Variants in SMTNL2 observed in about 807,000 individuals in gnomAD.
The protein encoded by SMTNL2 is smoothelin-like protein 2.
SMTNL2 carries 43 observed loss-of-function variants against 44.1 expected under a neutral mutation model. The ratio of observed to expected loss-of-function variants is 0.98; its 90% CI spans 0.76 to 1.26. The LOEUF (loss-of-function observed/expected upper bound fraction) is 1.26, where lower values mean the gene tolerates loss of function less well. SMTNL2 is among the 50% of genes most tolerant of loss of function. SMTNL2 has a pLI of 0.00. For synonymous variants in SMTNL2, 317 were observed against 287.6 expected (o/e 1.10, Z -1.03); for missense variants, 646 against 670.2 (o/e 0.96, Z 0.40).
chr17:4,604,355 G>C (rs1910178089), intron 7 of SMTNL2, among the ~76,000 whole-genome samples: 1 of 152,172 alleles, frequency 6.6e-6, no homozygotes, highest in South Asian at 2.1e-4. Flanking sequence ...CAGGAGGTGG[G>C]GAGGGGATCC....
chr17:4,595,440 T>C lies in SMTNL2; in HGVS notation c.989+113T>C. On this transcript the variant is annotated intron_variant, in intron 5 of 7. Transcript: ENST00000389313. This position sits in a 1 kb window ranked among gnomAD's most constrained non-coding sequence, Gnocchi z 5.1. ...AGCCCTGTCCTGTTCCCCAGGGCGC[T>C]GTTGCCCAGGACAAGATCTCTTGGG... is the stretch of plus-strand genomic sequence containing the variant. 1 of 1,407,324 alleles carries C rather than the reference T, an allele frequency of 7.1e-7. No homozygotes were observed. The highest frequency in any genetic ancestry group is 9.6e-7 in the Non-Finnish European group (1 of 1,046,410). 87.2% of individuals were successfully genotyped at this position (1,407,324 alleles called of 1,614,324 possible).
At chr17:4,589,832 G>A (rs1466140694) in intron 1 of SMTNL2, among the ~76,000 whole-genome samples, 2 of 121,968 alleles carry the variant, frequency 1.6e-5, no homozygotes, top group African/African-American at 3.1e-5. Context: ...CCCGCCCCAC[G>A]CTTCTGATCA....
chr17:4,596,911 G>T lies in SMTNL2; in HGVS notation c.1041G>T (p.Val347=). ...ARLKRSQSFG[V]ASASSIKQIL... is the part of the protein sequence containing the mutation. ...TGAAGCGGTCGCAGAGCTTCGGCGT[G>T]GCCAGCGCCAGCAGCATCAAGCAGA... is the stretch of plus-strand genomic sequence containing the variant. The change falls in exon 6 of 8, where the codon GTG becomes GTT. Residue 347 remains valine (V), a synonymous_variant. Coordinates refer to ENST00000389313, the MANE Select transcript of SMTNL2 (RefSeq NM_001114974.2). The T allele has an allele frequency of 6.6e-7, 1 of 1,523,484 alleles. No homozygotes were observed. 94.4% of individuals were successfully genotyped at this position (1,523,484 alleles called of 1,614,324 possible). A position where few individuals can be genotyped will look rare whatever the true frequency, so the allele number is the denominator to read the frequency against.
intron 7 of SMTNL2, among the ~76,000 whole-genome samples, chr17:4,597,861 G>A (rs1909880022): frequency 6.6e-6 from 1 of 152,130 alleles, no homozygotes; most frequent in Admixed American, 6.5e-5. Context: ...GTGAAGATTT[G>A]GGGGTGGCTC....
At chr17:4,584,391 C>T (rs1261882743), upstream of SMTNL2, 17 of 414,730 alleles carry the variant, frequency 4.1e-5, no homozygotes, top group East Asian at 7.1e-4. Context: ...AGAGGCTGGG[C>T]GAGCTCTCCC....
rs370532356 is a variant in SMTNL2, at chr17:4,607,319, G to C, written c.1260-42G>C. ...CCCTGTCGCGGCTGTGGGGCTGGCT[G>C]ATGGCTGGGACCACCGTTCTGACGG... On this transcript the variant is annotated intron_variant, in intron 7 of 7. Transcript: ENST00000389313. The surrounding 1 kb of genome is among the most constrained non-coding windows in gnomAD (Gnocchi z 4.7). 2 of 1,610,166 alleles carry C rather than the reference G, an allele frequency of 1.2e-6. No homozygotes were observed. Among genetic ancestry groups the C allele is most frequent in the Non-Finnish European group, 1.7e-6 (2 of 1,177,200 alleles).
At position 4,596,923 on chromosome 17, in the gene SMTNL2, C is replaced by T; in HGVS notation, c.1053C>T (p.Ser351=). The stretch of plus-strand genomic sequence containing the variant: ...AGAGCTTCGGCGTGGCCAGCGCCAG[C>T]AGCATCAAGCAGATCCTGCTCGAGT... ...RSQSFGVASA[S]SIKQILLEWC... Residue 351 remains serine, a synonymous_variant, in exon 6 of 8, where the codon AGC becomes AGT. Transcript: ENST00000389313. The T allele has an allele frequency of 6.6e-7, 1 of 1,525,862 alleles. No individual in the cohort carries two copies. The highest frequency in any genetic ancestry group is 8.8e-7 in the Non-Finnish European group (1 of 1,130,654). 94.5% of individuals were successfully genotyped at this position (1,525,862 alleles called of 1,614,324 possible).
At chr17:4,591,505 G>A (rs1909569323) in intron 1 of SMTNL2, among the ~76,000 whole-genome samples, 1 of 152,252 alleles carries the variant, frequency 6.6e-6, no homozygotes, top group African/African-American at 2.4e-5. Flanking sequence ...GAGTCCTCGG[G>A]CCCCATCTCT....
At chr17:4,591,381 G>A (rs561855928) in intron 1 of SMTNL2, among the ~76,000 whole-genome samples, 4 of 152,056 alleles carry the variant, frequency 2.6e-5, no homozygotes, top group Admixed American at 1.3e-4. Context: ...ACTCTCAGCC[G>A]TTCACACGCC....
chr17:4,592,331 G>A lies in SMTNL2; in HGVS notation c.400-30G>A. ...GGGTGGGCAGCTGGCCCTAGCTGAT[G>A]GGGTCTCGGTGACATTTGTGTCTCT... On this transcript the variant is annotated intron_variant, in intron 1 of 7. Coordinates refer to ENST00000389313, the MANE Select transcript of SMTNL2 (RefSeq NM_001114974.2). The surrounding 1 kb of genome is among the most constrained non-coding windows in gnomAD (Gnocchi z 4.5). The A allele has an allele frequency of 3.7e-6, 6 of 1,609,862 alleles. No individual in the cohort carries two copies. The highest frequency in any genetic ancestry group is 5.1e-6 in the Non-Finnish European group (6 of 1,177,876).
chr17:4,587,056 C>T (rs527284129), intron 1 of SMTNL2, among the ~76,000 whole-genome samples: 21 of 152,238 alleles, frequency 1.4e-4, no homozygotes, highest in Non-Finnish European at 2.6e-4. Context: ...AAAACCAGAC[C>T]GGGGAACTGC....
chr17:4,597,889 T>C (rs141729771), intron 7 of SMTNL2, among the ~76,000 whole-genome samples: 1 of 152,306 alleles, frequency 6.6e-6, no homozygotes, highest in East Asian at 1.9e-4. Context: ...AGGAGGCACC[T>C]GGAAAGCCAG....
In SMTNL2 at chr17:4,600,441, TC is replaced by T. The variant is rs1475390619; in HGVS notation, c.1259+3122del. ...TCTGGAAGGGAAAGGAGGACACAGGTCCCCAAACCACGGGTTCACCTTGCGT... is the reference window on the plus strand; with the variant it reads ...TCTGGAAGGGAAAGGAGGACACAGGTCCCAAACCACGGGTTCACCTTGCGT... On this transcript the variant is annotated intron_variant, in intron 7 of 7. Coordinates refer to ENST00000389313, the MANE Select transcript of SMTNL2 (RefSeq NM_001114974.2). This position sits in a 1 kb window ranked among gnomAD's most constrained non-coding sequence, Gnocchi z 4.7. Among the ~76,000 whole-genome samples, 1 of 151,984 alleles carries T rather than the reference TC, an allele frequency of 6.6e-6. No homozygotes were observed. Among genetic ancestry groups the T allele is most frequent in the East Asian group, 1.9e-4 (1 of 5,188 alleles).
chr17:4,584,895 C>T lies in SMTNL2; in HGVS notation c.290C>T (p.Pro97Leu). The T allele has an allele frequency of 7.7e-7, 1 of 1,295,964 alleles. No homozygotes were observed. The highest frequency in any genetic ancestry group is 9.7e-7 in the Non-Finnish European group (1 of 1,026,248). 80.3% of individuals were successfully genotyped at this position (1,295,964 alleles called of 1,614,324 possible). A position where few individuals can be genotyped will look rare whatever the true frequency, so the allele number is the denominator to read the frequency against. ...GGGATGTCCCCGGTGCCCGGCACTC[C>T]CGGCACGCCCAGCCCCCCGCCCGCG... ...ASGMSPVPGT[P>L]GTPSPPPAPG... is the part of the protein sequence containing the mutation. Residue 97 changes from proline (P) to leucine (L), a missense_variant, in exon 1 of 8, where the codon CCC becomes CTC. By Grantham distance (98) the Pro-to-Leu change is moderately conservative. Coordinates refer to ENST00000389313, the MANE Select transcript of SMTNL2 (RefSeq NM_001114974.2).
In SMTNL2 at chr17:4,597,335, G is replaced by A. The variant is rs891200184; in HGVS notation, c.1259+12G>A. 1.9e-6 allele frequency: 3 copies of A among 1,612,362 alleles called. No individual in the cohort carries two copies. Among genetic ancestry groups the A allele is most frequent in the Non-Finnish European group, 2.5e-6 (3 of 1,178,882 alleles). ...TTCACCATGGCCGAGTGAGTATGGT[G>A]GCTCCTGCTGGCTACCAGCCCCAGC... On this transcript the variant is annotated intron_variant, in intron 7 of 7. Transcript: ENST00000389313.
At position 4,600,884 on chromosome 17, in the gene SMTNL2, G is replaced by A. The variant is rs766074745; in HGVS notation, c.1259+3561G>A. 4.1e-4 allele frequency among the ~76,000 whole-genome samples: 62 copies of A among 152,202 alleles called. 1 individual carries two copies. The highest frequency in any genetic ancestry group is 6.6e-4 in the Non-Finnish European group (45 of 68,046). On this transcript the variant is annotated intron_variant, in intron 7 of 7. Coordinates refer to ENST00000389313, the MANE Select transcript of SMTNL2 (RefSeq NM_001114974.2). This position sits in a 1 kb window ranked among gnomAD's most constrained non-coding sequence, Gnocchi z 4.7. ...CTTCCAGGCTATTTGTAGTGCCCAT[G>A]TGTCTCTGTCTAAAACCAGATAGGA...
intron 5 of SMTNL2, among the ~76,000 whole-genome samples, chr17:4,596,192 C>T (rs969232876): frequency 2.1e-5 from 3 of 140,246 alleles, no homozygotes; most frequent in South Asian, 2.1e-4. Flanking sequence ...GTGGCCCAAG[C>T]GTGGTATTGA....
In SMTNL2 at chr17:4,584,699, C is replaced by A; in HGVS notation, c.94C>A (p.His32Asn). Residue 32 changes from histidine (H) to asparagine (N), a missense_variant, in exon 1 of 8, where the codon CAC becomes AAC. Transcript: ENST00000389313. ...GCTGGAGGGTGCGGTGCGCGCGCTG[C>A]ACGAGGACATGCGGGGGCTGCAGCG... ...AALEGAVRALHEDMRGLQRGV... is the reference protein window; with the variant it reads ...AALEGAVRALNEDMRGLQRGV... The A allele has an allele frequency of 7.7e-7, 1 of 1,295,348 alleles. No individual in the cohort carries two copies. Among genetic ancestry groups the A allele is most frequent in the South Asian group, 2.3e-5 (1 of 43,572 alleles). 80.2% of individuals were successfully genotyped at this position (1,295,348 alleles called of 1,614,324 possible).
At chr17:4,599,119 T>C (rs1382094246) in intron 7 of SMTNL2, among the ~76,000 whole-genome samples, 2 of 152,204 alleles carry the variant, frequency 1.3e-5, no homozygotes, top group African/African-American at 4.8e-5. Flanking sequence ...GGCTCTGAGC[T>C]CCTTAGCCTG....
Sources: allele counts gnomAD v4.1 joint callset (sites outside exome capture counted in the v4.1 genomes callset), GRCh38; gene constraint gnomAD v4.1.1; non-coding constraint Gnocchi (gnomAD v3.1); transcripts MANE v1.5; gene names NCBI Gene and HGNC (gene_info 2026-07-23, HGNC 2026-07-21).